The following NPSR1 variants were observed in gnomAD, a reference collection of about 807,000 sequenced individuals.
The protein encoded by NPSR1 is neuropeptide S receptor.
In NPSR1, 48 loss-of-function variants were observed where a neutral mutation model predicts 46.9. The observed-to-expected ratio is 1.02, with a 90% CI of 0.81 to 1.30. The LOEUF (loss-of-function observed/expected upper bound fraction) is 1.30. NPSR1 is among the 50% of genes most tolerant of loss of function. The pLI, the probability that NPSR1 is intolerant of heterozygous loss-of-function variation, is 0.00. For synonymous variants in NPSR1, 176 were observed against 168.1 expected, an observed-to-expected ratio of 1.05 and a Z score of -0.36; for missense variants, 450 against 449.5, an observed-to-expected ratio of 1.00 and a Z score of -0.01.
intron 4 of NPSR1, among the ~76,000 whole-genome samples, chr7:34,813,302 C>T (rs1396426035): frequency 1.3e-5 from 2 of 152,132 alleles, no homozygotes; most frequent in African/African-American, 4.8e-5. Flanking sequence ...TTTTAATATT[C>T]ATAATATCTC....
chr7:34,731,354 T>TAGGG (rs1426745247), intron 2 of NPSR1, among the ~76,000 whole-genome samples: 1 of 152,026 alleles, frequency 6.6e-6, no homozygotes, highest in East Asian at 1.9e-4. Flanking sequence ...TGCCAAAAAC[T>TAGGG]AAATAAATGA....
intron 2 of NPSR1, chr7:34,710,769 T>C (rs1783240725): frequency 2.2e-6 from 1 of 450,734 alleles, no homozygotes; most frequent in South Asian, 1.8e-5. Context: ...AAAATTCTAT[T>C]GAAGAGAAGA....
At chr7:34,743,958 C>T (rs548293596) in intron 2 of NPSR1, among the ~76,000 whole-genome samples, 65 of 151,930 alleles carry the variant, frequency 4.3e-4, no homozygotes, top group African/African-American at 1.5e-3. Context: ...TGTGTTCAGC[C>T]GATTTGAGAA....
intron 5 of NPSR1, among the ~76,000 whole-genome samples, chr7:34,833,046 G>A (rs1386219700): frequency 6.6e-6 from 1 of 152,188 alleles, no homozygotes; most frequent in Non-Finnish European, 1.5e-5. Context: ...ACTTGGAGGG[G>A]TTCACTCAGC....
chr7:34,790,700 G>T (rs1317794641), intron 3 of NPSR1, among the ~76,000 whole-genome samples: 1 of 131,752 alleles, frequency 7.6e-6, no homozygotes, highest in Non-Finnish European at 1.6e-5. Context: ...TATAATATAT[G>T]TTCTATGTTA....
intron 2 of NPSR1, among the ~76,000 whole-genome samples, chr7:34,733,427 A>AG (rs2128714919): frequency 6.6e-6 from 1 of 151,930 alleles, no homozygotes; most frequent in Non-Finnish European, 1.5e-5. Context: ...TTAAAAAAAA[A>AG]AAAAAAAGAA....
At chr7:34,737,189 C>A (rs1583911084) in intron 2 of NPSR1, among the ~76,000 whole-genome samples, 2 of 152,274 alleles carry the variant, frequency 1.3e-5, no homozygotes, top group Middle Eastern at 6.8e-3. Flanking sequence ...GTAAACTCTC[C>A]ATGTGACAAG....
intron 2 of NPSR1, among the ~76,000 whole-genome samples, chr7:34,747,146 A>C (rs1323340557): frequency 1.3e-5 from 2 of 151,434 alleles, no homozygotes; most frequent in Non-Finnish European, 2.9e-5. Context: ...AAAAAAAAAA[A>C]AGAGGCATTT....
At chr7:34,697,516 G>A (rs958162968) in intron 2 of NPSR1, among the ~76,000 whole-genome samples, 3 of 151,824 alleles carry the variant, frequency 2.0e-5, no homozygotes, top group Non-Finnish European at 4.4e-5. Context: ...GGATGCTTAA[G>A]TCCCTTACAT....
chr7:34,848,136 T>C (rs1015543938), intron 7 of NPSR1, among the ~76,000 whole-genome samples: 2 of 152,196 alleles, frequency 1.3e-5, no homozygotes, highest in South Asian at 2.1e-4. Flanking sequence ...TATTTTGCTG[T>C]TTTTTCCTGA....
chr7:34,696,215 G>A (rs1239045064), intron 2 of NPSR1, among the ~76,000 whole-genome samples: 1 of 151,650 alleles, frequency 6.6e-6, no homozygotes, highest in East Asian at 1.9e-4. Flanking sequence ...TAACTCAGAA[G>A]CAAATAAAAT....
intron 1 of NPSR1, among the ~76,000 whole-genome samples, chr7:34,672,442 C>A (rs1792104731): frequency 6.6e-6 from 1 of 152,166 alleles, no homozygotes; most frequent in Non-Finnish European, 1.5e-5. Context: ...TCACCAGTAA[C>A]CAGAAAACTG....
chr7:34,818,028 C>T (rs187775078), intron 4 of NPSR1, among the ~76,000 whole-genome samples: 1,538 of 152,166 alleles, frequency 0.01, 27 homozygotes, highest in African/African-American at 0.035. Flanking sequence ...TGCCCTCTCT[C>T]ACCACTCCTA....
At chr7:34,699,060 C>A (rs1233850942) in intron 2 of NPSR1, among the ~76,000 whole-genome samples, 1 of 152,146 alleles carries the variant, frequency 6.6e-6, no homozygotes, top group African/African-American at 2.4e-5. Flanking sequence ...TAGAATTGTT[C>A]TATCAGAAGA....
At chr7:34,774,348 C>T (rs1387738044) in intron 2 of NPSR1, among the ~76,000 whole-genome samples, 1 of 152,188 alleles carries the variant, frequency 6.6e-6, no homozygotes, top group East Asian at 1.9e-4. Flanking sequence ...ATGGAGGCAT[C>T]TGTGCTACTT....
At chr7:34,833,708 C>T (rs1860369) in intron 5 of NPSR1, among the ~76,000 whole-genome samples, 37,692 of 152,150 alleles carry the variant, frequency 0.25, 4,954 homozygotes, top group South Asian at 0.38. Context: ...TCATGCAAGG[C>T]AGCCATTCAA....
intron 4 of NPSR1, among the ~76,000 whole-genome samples, chr7:34,827,171 T>C (rs1042383644): frequency 6.6e-6 from 1 of 152,168 alleles, no homozygotes. Flanking sequence ...AGCACCAACC[T>C]TAGGCCAGGC....
Position 34,808,278 on chromosome 7 carries a change from A to G in NPSR1, c.385-3492A>G, listed in dbSNP as rs1003086617. ...GGTCTCCAGAGCTGTGCGAGAATAAATTTATGTTGTTTTAAGCCATAAAGT... is the reference window on the plus strand; with the variant it reads ...GGTCTCCAGAGCTGTGCGAGAATAAGTTTATGTTGTTTTAAGCCATAAAGT... On this transcript the variant is annotated intron_variant, in intron 3 of 8. Transcript: ENST00000360581. Among the ~76,000 whole-genome samples, 15 of 152,320 alleles carry G rather than the reference A, an allele frequency of 9.8e-5. No individual in the cohort carries two copies. In the East Asian group the frequency reaches 2.9e-3, roughly 29 times the overall value.
In NPSR1 at chr7:34,844,899, G is replaced by A; in HGVS notation, c.761G>A (p.Gly254Glu). 6.2e-7 allele frequency: 1 copy of A among 1,601,846 alleles called. No individual in the cohort carries two copies. Among genetic ancestry groups the A allele is most frequent in the Non-Finnish European group, 8.6e-7 (1 of 1,168,904 alleles). ...YETVISNCSD[G>E]KLCSSYNRGL... ...TATTCCCCTCTTGTATCTACAGATGGGAAACTGTGCAGCAGCTATAACCGA... is the reference window on the plus strand; with the variant it reads ...TATTCCCCTCTTGTATCTACAGATGAGAAACTGTGCAGCAGCTATAACCGA... Residue 254 changes from glycine (G) to glutamate (E), a missense_variant, in exon 7 of 9, where the codon GGG becomes GAG. Coordinates refer to ENST00000360581, the MANE Select transcript of NPSR1 (RefSeq NM_207172.2).
Sources: allele counts gnomAD v4.1 joint callset (sites outside exome capture counted in the v4.1 genomes callset), GRCh38; gene constraint gnomAD v4.1.1; transcripts MANE v1.5; gene names NCBI Gene and HGNC (gene_info 2026-07-23, HGNC 2026-07-21).